The following LGR5 variants were observed in gnomAD, a reference collection of about 807,000 sequenced individuals.
LGR5 encodes leucine-rich repeat-containing G protein-coupled receptor 5.
In LGR5, 54 loss-of-function variants were observed where a neutral mutation model predicts 76.7. The observed-to-expected ratio is 0.70, with a 90% CI of 0.57 to 0.88. The LOEUF (loss-of-function observed/expected upper bound fraction) is 0.88, where lower values mean the gene tolerates loss of function less well. Among genes scored for constraint, LGR5 ranks in the 40% least tolerant of loss-of-function variants. The pLI, the probability that LGR5 is intolerant of heterozygous loss-of-function variation, is 0.00. For missense variants in LGR5, 1,078 were observed against 1,073.3 expected, an observed-to-expected ratio of 1.00 and a Z score of -0.06; for synonymous variants, 406 against 421.9, an observed-to-expected ratio of 0.96 and a Z score of 0.46.
intron 1 of LGR5, among the ~76,000 whole-genome samples, chr12:71,462,212 A>G (rs1486013369): frequency 6.6e-6 from 1 of 152,068 alleles, no homozygotes; most frequent in Non-Finnish European, 1.5e-5. Context: ...AGATCTCTAC[A>G]ATCACCTCAA....
chr12:71,545,443 C>T (rs1305594971), intron 4 of LGR5, among the ~76,000 whole-genome samples: 4 of 151,920 alleles, frequency 2.6e-5, no homozygotes, highest in Admixed American at 1.3e-4. Context: ...CAGAGTGAGA[C>T]CCTGTCTCAA....
chr12:71,506,068 CT>C (rs575726012), intron 2 of LGR5, among the ~76,000 whole-genome samples: 6 of 152,238 alleles, frequency 3.9e-5, no homozygotes, highest in Admixed American at 2.6e-4. Flanking sequence ...CACATGTCAA[CT>C]CCCTAAGAAA....
At chr12:71,573,101 A>C in intron 13 of LGR5, 180 bp downstream of exon 13, 1 of 513,526 alleles carries the variant, frequency 1.9e-6, no homozygotes, top group Non-Finnish European at 3.4e-6. Context: ...AAAAGTAGTA[A>C]ATTTGCAATT....
intron 1 of LGR5, among the ~76,000 whole-genome samples, chr12:71,455,489 A>G (rs906557727): frequency 3.9e-5 from 6 of 152,104 alleles, no homozygotes; most frequent in Non-Finnish European, 8.8e-5. Flanking sequence ...TCCTGCCTTG[A>G]GCATTATTTA....
At chr12:71,467,041 A>T (rs1872895788) in intron 1 of LGR5, among the ~76,000 whole-genome samples, 1 of 152,008 alleles carries the variant, frequency 6.6e-6, no homozygotes, top group Non-Finnish European at 1.5e-5. Context: ...GTCATCATTT[A>T]TAATCTGCCA....
intron 15 of LGR5, 62 bp from the exon 16 acceptor site, chr12:71,580,216 A>T: frequency 6.9e-7 from 1 of 1,457,512 alleles, no homozygotes. Context: ...AAAGAACATG[A>T]ACACTATATT....
intron 1 of LGR5, among the ~76,000 whole-genome samples, chr12:71,490,522 G>A (rs1459265807): frequency 6.6e-6 from 1 of 152,170 alleles, no homozygotes; most frequent in Non-Finnish European, 1.5e-5. Context: ...GTCATAAGAT[G>A]TTAGTCTGCT....
At chr12:71,480,470 C>CTGTCCTCTGGA (rs1873547086) in intron 1 of LGR5, among the ~76,000 whole-genome samples, 1 of 151,870 alleles carries the variant, frequency 6.6e-6, no homozygotes, top group East Asian at 1.9e-4. Flanking sequence ...GAACCTTGTA[C>CTGTCCTCTGGA]CAGACACTTG....
chr12:71,578,778 G>A (rs1193427406), intron 14 of LGR5, 26 bp from the exon 15 acceptor site: 2 of 1,580,386 alleles, frequency 1.3e-6, no homozygotes, highest in Non-Finnish European at 1.7e-6. Flanking sequence ...TAGACTAAAA[G>A]CCAATTGTTG....
chr12:71,563,702 G>A (rs1592549214), intron 8 of LGR5, among the ~76,000 whole-genome samples: 1 of 152,062 alleles, frequency 6.6e-6, no homozygotes, highest in Middle Eastern at 3.4e-3. Flanking sequence ...ATTCTTTCAG[G>A]GCCCATTTTA....
intron 4 of LGR5, among the ~76,000 whole-genome samples, chr12:71,546,629 C>T (rs556427315): frequency 6.6e-6 from 1 of 152,158 alleles, no homozygotes; most frequent in East Asian, 1.9e-4. Context: ...TTCCTTCAGG[C>T]ACTGATCTTT....
At chr12:71,583,507 A>G in intron 17 of LGR5, 140 bp from the exon 18 acceptor site, 1 of 923,842 alleles carries the variant, frequency 1.1e-6, no homozygotes, top group Non-Finnish European at 1.7e-6. Context: ...ATAGTGGAGC[A>G]TGCACATGGG....
At chr12:71,508,040 G>A (rs1189654955) in intron 2 of LGR5, among the ~76,000 whole-genome samples, 1 of 147,820 alleles carries the variant, frequency 6.8e-6, no homozygotes. Context: ...CCAACATGGT[G>A]AAACCTGTCT....
chr12:71,518,971 C>T (rs1875588239), intron 2 of LGR5, among the ~76,000 whole-genome samples: 1 of 152,156 alleles, frequency 6.6e-6, no homozygotes, highest in African/African-American at 2.4e-5. Flanking sequence ...CATATGTACC[C>T]TGGACTTAAA....
At chr12:71,550,681 C>T (rs1280225197) in intron 4 of LGR5, among the ~76,000 whole-genome samples, 1 of 152,070 alleles carries the variant, frequency 6.6e-6, no homozygotes, top group Non-Finnish European at 1.5e-5. Context: ...CCAGGCTGGT[C>T]TGGAACTCCT....
At chr12:71,538,167 A>G (rs1381814940) in intron 4 of LGR5, among the ~76,000 whole-genome samples, 2 of 152,142 alleles carry the variant, frequency 1.3e-5, no homozygotes, top group African/African-American at 4.8e-5. Flanking sequence ...GGCTACAAAT[A>G]AGATTCTTCT....
chr12:71,552,677 A>T (rs527268507), intron 4 of LGR5, among the ~76,000 whole-genome samples: 1 of 152,300 alleles, frequency 6.6e-6, no homozygotes, highest in East Asian at 1.9e-4. Flanking sequence ...TGTTCAAAAC[A>T]GTCAGGGAAA....
At chr12:71,503,980 G>T (rs1340406351) in intron 1 of LGR5, among the ~76,000 whole-genome samples, 1 of 152,142 alleles carries the variant, frequency 6.6e-6, no homozygotes. Context: ...TGTTTCCTGT[G>T]CCAGGAACTA....
intron 7 of LGR5, among the ~76,000 whole-genome samples, chr12:71,561,099 A>T (rs1878035411): frequency 6.6e-6 from 1 of 152,202 alleles, no homozygotes; most frequent in African/African-American, 2.4e-5. Flanking sequence ...GCTAAAGGAG[A>T]CACAGAGGAG....
Sources: allele counts gnomAD v4.1 joint callset (sites outside exome capture counted in the v4.1 genomes callset), GRCh38; gene constraint gnomAD v4.1.1; transcripts MANE v1.5; gene names NCBI Gene and HGNC (gene_info 2026-07-23, HGNC 2026-07-21).